CLDN23: variants seen among roughly 807,000 people sequenced by gnomAD.
The protein encoded by CLDN23 is claudin-23.
In CLDN23, 3 loss-of-function variants were observed where a neutral mutation model predicts 1.4. That is an observed-to-expected ratio of 2.10 (90% CI 0.96 to 5.43). The LOEUF (loss-of-function observed/expected upper bound fraction) is 5.43, where lower values mean the gene tolerates loss of function less well. Among genes scored for constraint, CLDN23 ranks in the 30% most tolerant of loss-of-function variants. CLDN23 has a pLI of 0.02. For synonymous variants in CLDN23, 291 were observed against 209.9 expected (o/e 1.39, Z -3.34); for missense variants, 597 against 433.5 (o/e 1.38, Z -3.35).
In CLDN23 at chr8:8,702,742, G is replaced by A; in HGVS notation, c.344G>A (p.Gly115Glu). ...WQDEPNFVLA[G>E]LSGVVLFVAG... ...GACGAGCCCAACTTCGTGCTGGCAG[G>A]GCTCTCGGGCGTCGTGCTCTTCGTC... The change falls in exon 1 of 1, where the codon GGG becomes GAG. Residue 115 changes from glycine to glutamate, a missense_variant. By Grantham distance (98) the Gly-to-Glu change is moderately conservative. Transcript: ENST00000519106. 6.2e-7 allele frequency: 1 copy of A among 1,609,428 alleles called. No homozygotes were observed. Among genetic ancestry groups the A allele is most frequent in the Middle Eastern group, 1.7e-4 (1 of 6,044 alleles).
chr8:8,702,482 C>G lies in CLDN23; in HGVS notation c.84C>G (p.Pro28=), dbSNP rs550165726. 2 of 1,606,840 alleles carry G rather than the reference C, an allele frequency of 1.2e-6. No homozygotes were observed. The highest frequency in any genetic ancestry group is 3.4e-5 in the Admixed American group (2 of 59,616). ...LLLNLTGTLA[P]GWRLVKGFLN... ...TCAACCTGACCGGCACCCTGGCGCC[C>G]GGCTGGCGGCTGGTGAAGGGCTTCC... Residue 28 remains proline, a synonymous_variant, in exon 1 of 1, where the codon CCC becomes CCG. Coordinates refer to ENST00000519106, the MANE Select transcript of CLDN23 (RefSeq NM_194284.3).
rs755689685 is a variant in CLDN23 at position 8,702,828 on chromosome 8, G to T, written c.430G>T (p.Val144Leu). 1.2e-6 allele frequency: 2 copies of T among 1,608,312 alleles called. No individual in the cohort carries two copies. The highest frequency in any genetic ancestry group is 1.7e-6 in the Non-Finnish European group (2 of 1,178,666). The change falls in exon 1 of 1, where the codon GTG (valine) becomes TTG (leucine). Residue 144 changes from valine to leucine, a missense_variant. Transcript: ENST00000519106. ...WYNHFLGDRDVLPAPASPVTV... is the reference protein window; with the variant it reads ...WYNHFLGDRDLLPAPASPVTV... ...CAACCACTTCTTGGGGGACCGCGACGTGCTGCCCGCCCCGGCCAGCCCGGT... is the reference window on the plus strand; with the variant it reads ...CAACCACTTCTTGGGGGACCGCGACTTGCTGCCCGCCCCGGCCAGCCCGGT...
rs924642395 is a variant in CLDN23, at chr8:8,703,838, C to G, written c.*561C>G. The G allele has an allele frequency of 3.6e-5, 6 of 167,028 alleles. No homozygotes were observed. The South Asian group carries it at 8.3e-4, about 23-fold the overall frequency. The allele number at this position is 167,028 out of a possible 1,614,324, so 10.3% of individuals were successfully genotyped here. A position where few individuals can be genotyped will look rare whatever the true frequency, so the allele number is the denominator to read the frequency against. ...ATGAAATACCGTGATTAACTCATAG[C>G]TACATATCATTGCATAAATGGGATT... On this transcript the variant is annotated 3_prime_UTR_variant, in exon 1 of 1. Coordinates refer to ENST00000519106, the MANE Select transcript of CLDN23 (RefSeq NM_194284.3).
Position 8,703,037 on chromosome 8 carries a change from C to A in CLDN23, c.639C>A (p.Pro213=). 1 of 1,532,350 alleles carries A rather than the reference C, an allele frequency of 6.5e-7. No homozygotes were observed. The highest frequency in any genetic ancestry group is 8.7e-7 in the Non-Finnish European group (1 of 1,145,206). 94.9% of individuals were successfully genotyped at this position (1,532,350 alleles called of 1,614,324 possible). Reference sequence around the variant, plus strand: ...TCAGCACCATCCAAGTGGAGTGGCCCGAGCCCGACCTGGCGCCCGCCATCA... The same window carrying A: ...TCAGCACCATCCAAGTGGAGTGGCCAGAGCCCGACCTGGCGCCCGCCATCA... ...SSVSTIQVEW[P]EPDLAPAIKY... The change falls in exon 1 of 1, where the codon CCC becomes CCA. Residue 213 remains proline, a synonymous_variant. Transcript: ENST00000519106.
Position 8,702,818 on chromosome 8 carries a change from G to T in CLDN23, c.420G>T (p.Gly140=). 1 of 1,609,352 alleles carries T rather than the reference G, an allele frequency of 6.2e-7. No homozygotes were observed. Among genetic ancestry groups the T allele is most frequent in the South Asian group, 1.1e-5 (1 of 91,000 alleles). ...IPVSWYNHFL[G]DRDVLPAPAS... ...TGTCCTGGTACAACCACTTCTTGGG[G>T]GACCGCGACGTGCTGCCCGCCCCGG... Residue 140 remains glycine, a synonymous_variant, in exon 1 of 1, where the codon GGG becomes GGT. Coordinates refer to ENST00000519106, the MANE Select transcript of CLDN23 (RefSeq NM_194284.3).
chr8:8,703,424 C>A lies in CLDN23; in HGVS notation c.*147C>A. 2.7e-6 allele frequency: 2 copies of A among 748,432 alleles called. No individual in the cohort carries two copies. The highest frequency in any genetic ancestry group is 3.8e-6 in the Non-Finnish European group (2 of 529,700). The allele number at this position is 748,432 out of a possible 1,614,324, so 46.4% of individuals were successfully genotyped here. A position where few individuals can be genotyped will look rare whatever the true frequency, so the allele number is the denominator to read the frequency against. On this transcript the variant is annotated 3_prime_UTR_variant, in exon 1 of 1. Coordinates refer to ENST00000519106, the MANE Select transcript of CLDN23 (RefSeq NM_194284.3). ...GTGGGACCAAACAGGACTCCTTGGA[C>A]GATTAGTTCAGGTTGGGTTTGGTTT... is the stretch of plus-strand genomic sequence containing the variant.
At position 8,702,177 on chromosome 8, in the gene CLDN23, C is replaced by A; in HGVS notation, c.-222C>A. ...CAGTAGGAGGGCGGAGCGGCCGGGA[C>A]GCCAGGAGGGAACTAGCCTAAGTGG... On this transcript the variant is annotated 5_prime_UTR_variant, in exon 1 of 1. Transcript: ENST00000519106. 2.4e-6 allele frequency: 1 copy of A among 412,698 alleles called. No homozygotes were observed. The highest frequency in any genetic ancestry group is 4.2e-6 in the Non-Finnish European group (1 of 237,560). The allele number at this position is 412,698 out of a possible 1,614,324, so 25.6% of individuals were successfully genotyped here.
At position 8,703,679 on chromosome 8, in the gene CLDN23, T is replaced by C. The variant is rs1802826269; in HGVS notation, c.*402T>C. 1 of 174,842 alleles carries C rather than the reference T, an allele frequency of 5.7e-6. No individual in the cohort carries two copies. Among genetic ancestry groups the C allele is most frequent in the Non-Finnish European group, 1.4e-5 (1 of 73,684 alleles). The allele number at this position is 174,842 out of a possible 1,614,324, so 10.8% of individuals were successfully genotyped here. A position where few individuals can be genotyped will look rare whatever the true frequency, so the allele number is the denominator to read the frequency against. The stretch of plus-strand genomic sequence containing the variant: ...CATCAATATAATTATTGGGTTTTTT[T>C]TCTTTTTCCTGCTGTATAACTCCTT... On this transcript the variant is annotated 3_prime_UTR_variant, in exon 1 of 1. Transcript: ENST00000519106.
Position 8,702,482 on chromosome 8 carries a change from C to T in CLDN23, c.84C>T (p.Pro28=), listed in dbSNP as rs550165726. Residue 28 remains proline, a synonymous_variant, in exon 1 of 1, where the codon CCC becomes CCT. Transcript: ENST00000519106. ...LLLNLTGTLA[P]GWRLVKGFLN... ...TCAACCTGACCGGCACCCTGGCGCC[C>T]GGCTGGCGGCTGGTGAAGGGCTTCC... 18 of 1,606,958 alleles carry T rather than the reference C, an allele frequency of 1.1e-5. No individual in the cohort carries two copies. Among genetic ancestry groups the T allele is most frequent in the East Asian group, 6.7e-5 (3 of 44,642 alleles).
In CLDN23 at chr8:8,703,001, C is replaced by T. The variant is rs1802793875; in HGVS notation, c.603C>T (p.Arg201=). The part of the protein sequence containing the change: ...RRRKGPSAGP[R]RSSVSTIQVE... ...GCAAGGGACCCTCCGCCGGGCCTCG[C>T]CGCAGCAGCGTCAGCACCATCCAAG... is the stretch of plus-strand genomic sequence containing the variant. Residue 201 remains arginine, a synonymous_variant, in exon 1 of 1, where the codon CGC becomes CGT. Transcript: ENST00000519106. 2 of 1,563,282 alleles carry T rather than the reference C, an allele frequency of 1.3e-6. No homozygotes were observed. The highest frequency in any genetic ancestry group is 1.4e-5 in the African/African-American group (1 of 73,672).
At position 8,703,071 on chromosome 8, in the gene CLDN23, A is replaced by G; in HGVS notation, c.673A>G (p.Ser225Gly). 1 of 1,533,794 alleles carries G rather than the reference A, an allele frequency of 6.5e-7. No individual in the cohort carries two copies. The change falls in exon 1 of 1, where the codon AGC (serine) becomes GGC (glycine). Residue 225 changes from serine (S) to glycine (G), a missense_variant. Transcript: ENST00000519106. ...PDLAPAIKYY[S>G]DGQHRPPPAQ... is the part of the protein sequence containing the mutation. The stretch of plus-strand genomic sequence containing the variant: ...CCTGGCGCCCGCCATCAAGTACTAC[A>G]GCGACGGCCAGCACCGACCGCCGCC...
In CLDN23 at chr8:8,702,894, G is replaced by A. The variant is rs1387762000; in HGVS notation, c.496G>A (p.Gly166Ser). ...CTACAGCCTGGTCCTGGGCTACCTG[G>A]GCAGCTGCCTCCTGCTGCTGGGCGG... ...VSYSLVLGYL[G>S]SCLLLLGGFS... Residue 166 changes from glycine (G) to serine (S), a missense_variant, in exon 1 of 1, where the codon GGC (glycine) becomes AGC (serine). Gly to Ser is a moderately conservative substitution (Grantham distance 56). Transcript: ENST00000519106. 8 of 1,576,478 alleles carry A rather than the reference G, an allele frequency of 5.1e-6. No homozygotes were observed. The African/African-American group carries it at 6.8e-5, about 13-fold the overall frequency.
At position 8,703,073 on chromosome 8, in the gene CLDN23, C is replaced by A. The variant is rs777623762; in HGVS notation, c.675C>A (p.Ser225Arg). 2.0e-6 allele frequency: 3 copies of A among 1,535,200 alleles called. No individual in the cohort carries two copies. The African/African-American group carries it at 4.2e-5, about 21-fold the overall frequency. ...PDLAPAIKYY[S>R]DGQHRPPPAQ... ...TGGCGCCCGCCATCAAGTACTACAG[C>A]GACGGCCAGCACCGACCGCCGCCTG... is the stretch of plus-strand genomic sequence containing the variant. Residue 225 changes from serine (S) to arginine (R), a missense_variant, in exon 1 of 1, where the codon AGC becomes AGA. Transcript: ENST00000519106.
rs774978414 is a variant in CLDN23, at chr8:8,703,094, G to A, written c.696G>A (p.Pro232=). 1.3e-6 allele frequency: 2 copies of A among 1,530,510 alleles called. No homozygotes were observed. The highest frequency in any genetic ancestry group is 2.5e-5 in the East Asian group (1 of 40,448). The allele number at this position is 1,530,510 out of a possible 1,614,324, so 94.8% of individuals were successfully genotyped here. ...ACAGCGACGGCCAGCACCGACCGCCGCCTGCCCAGCACCGCAAGCCCAAGC... is the reference window on the plus strand; with the variant it reads ...ACAGCGACGGCCAGCACCGACCGCCACCTGCCCAGCACCGCAAGCCCAAGC... The part of the protein sequence containing the change: ...KYYSDGQHRP[P]PAQHRKPKPK... Residue 232 remains proline (P), a synonymous_variant, in exon 1 of 1, where the codon CCG becomes CCA. Transcript: ENST00000519106.
At position 8,702,881 on chromosome 8, in the gene CLDN23, C is replaced by A; in HGVS notation, c.483C>A (p.Val161=). 3 of 1,580,262 alleles carry A rather than the reference C, an allele frequency of 1.9e-6. No homozygotes were observed. The highest frequency in any genetic ancestry group is 2.6e-6 in the Non-Finnish European group (3 of 1,162,764). ...PVTVQVSYSL[V]LGYLGSCLLL... is the part of the protein sequence containing the mutation. ...CGGTGCAGGTCAGCTACAGCCTGGT[C>A]CTGGGCTACCTGGGCAGCTGCCTCC... is the stretch of plus-strand genomic sequence containing the variant. The change falls in exon 1 of 1, where the codon GTC becomes GTA. Residue 161 remains valine (V), a synonymous_variant. Transcript: ENST00000519106.
At position 8,703,107 on chromosome 8, in the gene CLDN23, C is replaced by G; in HGVS notation, c.709C>G (p.Arg237Gly). 6.5e-7 allele frequency: 1 copy of G among 1,545,302 alleles called. No individual in the cohort carries two copies. Among genetic ancestry groups the G allele is most frequent in the Non-Finnish European group, 8.7e-7 (1 of 1,154,388 alleles). Residue 237 changes from arginine to glycine, a missense_variant, in exon 1 of 1, where the codon CGC becomes GGC. Physicochemically the swap from Arg to Gly is moderately radical, Grantham distance 125. Transcript: ENST00000519106. ...GQHRPPPAQH[R>G]KPKPKPKVGF... ...GCACCGACCGCCGCCTGCCCAGCAC[C>G]GCAAGCCCAAGCCCAAGCCCAAGGT...
At position 8,703,345 on chromosome 8, in the gene CLDN23, G is replaced by C. The variant is rs921307391; in HGVS notation, c.*68G>C. On this transcript the variant is annotated 3_prime_UTR_variant, in exon 1 of 1. Transcript: ENST00000519106. ...CCCCCGCACAGGCCCGCCTGGCTTCGAGTTGGAACCCGGACACTTGCCCCT... is the reference window on the plus strand; with the variant it reads ...CCCCCGCACAGGCCCGCCTGGCTTCCAGTTGGAACCCGGACACTTGCCCCT... 29 of 1,293,182 alleles carry C rather than the reference G, an allele frequency of 2.2e-5. No homozygotes were observed. The highest frequency in any genetic ancestry group is 8.2e-5 in the South Asian group (3 of 36,470). 80.1% of individuals were successfully genotyped at this position (1,293,182 alleles called of 1,614,324 possible).
Position 8,702,221 on chromosome 8 carries a change from A to G in CLDN23, c.-178A>G, listed in dbSNP as rs1802741095. ...TAAGTGGGGACGGTCCCCGTGCAGG[A>G]GACAAAGAGCGTCCCTGGAGCGATC... On this transcript the variant is annotated 5_prime_UTR_variant, in exon 1 of 1. Transcript: ENST00000519106. The G allele has an allele frequency of 5.5e-6, 3 of 542,188 alleles. No homozygotes were observed. The highest frequency in any genetic ancestry group is 9.1e-6 in the Non-Finnish European group (3 of 331,406). The allele number at this position is 542,188 out of a possible 1,614,324, so 33.6% of individuals were successfully genotyped here.
chr8:8,702,145 T>G lies in CLDN23; in HGVS notation c.-254T>G. On this transcript the variant is annotated 5_prime_UTR_variant, in exon 1 of 1. Coordinates refer to ENST00000519106, the MANE Select transcript of CLDN23 (RefSeq NM_194284.3). ...AGACCCGCCCGCGGGCTGGTTTCGA[T>G]TAGGGCCAGTAGGAGGGCGGAGCGG... 31 of 352,772 alleles carry G rather than the reference T, an allele frequency of 8.8e-5. No individual in the cohort carries two copies. Among genetic ancestry groups the G allele is most frequent in the East Asian group, 1.3e-4 (3 of 23,918 alleles). 21.9% of individuals were successfully genotyped at this position (352,772 alleles called of 1,614,324 possible).
Sources: gnomAD v4.1 joint callset for allele counts on GRCh38, gnomAD v4.1.1 for gene constraint, MANE v1.5 for transcripts, NCBI Gene and HGNC (gene_info 2026-07-23, HGNC 2026-07-21) for gene names.